The following RPH3A variants were observed in gnomAD, a reference collection of about 807,000 sequenced individuals.
The protein encoded by RPH3A is rabphilin 3A.
In RPH3A, 48 loss-of-function variants were observed where a neutral mutation model predicts 102.2. That is an observed-to-expected ratio of 0.47 (90% CI 0.37 to 0.60). The LOEUF (loss-of-function observed/expected upper bound fraction) is 0.60. Ranked by LOEUF, RPH3A falls within the 20% of genes least tolerant of loss-of-function variation. The pLI is 0.00. For missense variants in RPH3A, 781 were observed against 910.1 expected, an observed-to-expected ratio of 0.86 and a Z score of 1.83; for synonymous variants, 310 against 324.3, an observed-to-expected ratio of 0.96 and a Z score of 0.47.
At chr12:112,795,596 G>T (rs7972718) in intron 2 of RPH3A, among the ~76,000 whole-genome samples, 18,360 of 152,092 alleles carry the variant, frequency 0.12, 1,783 homozygotes, top group African/African-American at 0.27. Flanking sequence ...GCATTTCCTT[G>T]CTGTGTGACT....
At chr12:112,775,072 G>T (rs1438770615) in intron 1 of RPH3A, among the ~76,000 whole-genome samples, 6 of 152,084 alleles carry the variant, frequency 3.9e-5, no homozygotes, top group Non-Finnish European at 8.8e-5. Context: ...GGGTTAAGGG[G>T]AGGCAGAGTA....
At chr12:112,705,641 T>A (rs556706508) in intron 1 of RPH3A, among the ~76,000 whole-genome samples, 192 of 152,312 alleles carry the variant, frequency 1.3e-3, no homozygotes, top group African/African-American at 4.2e-3. Flanking sequence ...TTAATTTTTT[T>A]AATCGAAATT....
intron 2 of RPH3A, among the ~76,000 whole-genome samples, chr12:112,820,288 A>T (rs778267112): frequency 6.6e-6 from 1 of 152,234 alleles, no homozygotes; most frequent in Non-Finnish European, 1.5e-5. Flanking sequence ...TATTGATAAT[A>T]GTGACAATAA....
At chr12:112,703,027 G>A (rs1438214881) in intron 1 of RPH3A, among the ~76,000 whole-genome samples, 4 of 152,156 alleles carry the variant, frequency 2.6e-5, no homozygotes, top group African/African-American at 9.7e-5. Flanking sequence ...AGGAAGCAAG[G>A]ATGTGCCAGT....
At chr12:112,619,246 CTGTGTGTGTGTGTGTGTGTG>C (rs60894997) in intron 1 of RPH3A, among the ~76,000 whole-genome samples, 25 of 125,448 alleles carry the variant, frequency 2.0e-4, no homozygotes, top group South Asian at 1.5e-3. Flanking sequence ...TATGGTAATT[CTGTGTGTGTGTGTGTGTGTG>C]TGTGTGTGTG....
intron 1 of RPH3A, among the ~76,000 whole-genome samples, chr12:112,780,188 T>C (rs2136077651): frequency 6.6e-6 from 1 of 152,334 alleles, no homozygotes; most frequent in South Asian, 2.1e-4. Context: ...GGGGCTCATG[T>C]TGGCCTCATC....
At chr12:112,851,031 T>G (rs1285127079) in intron 5 of RPH3A, 1 of 152,232 alleles carries the variant, frequency 6.6e-6, no homozygotes, top group Non-Finnish European at 1.5e-5. Context: ...AGCCCCATGA[T>G]GCTGAATGTT....
chr12:112,789,479 A>T (rs545433953), upstream of RPH3A, among the ~76,000 whole-genome samples: 1 of 152,332 alleles, frequency 6.6e-6, no homozygotes, highest in East Asian at 1.9e-4. Context: ...TACGACACTG[A>T]GTTTGAATGC....
intron 5 of RPH3A, among the ~76,000 whole-genome samples, chr12:112,863,954 G>A (rs1398351286): frequency 6.6e-6 from 1 of 152,202 alleles, no homozygotes; most frequent in Non-Finnish European, 1.5e-5. Flanking sequence ...ACACAGCAGG[G>A]AACAGAACAG....
Position 112,896,874 on chromosome 12 carries a change from TC to T in RPH3A, c.*100del. 3 of 1,394,266 alleles carry T rather than the reference TC, an allele frequency of 2.2e-6. No individual in the cohort carries two copies. Among genetic ancestry groups the T allele is most frequent in the South Asian group, 1.3e-5 (1 of 77,984 alleles). The allele number at this position is 1,394,266 out of a possible 1,614,324, so 86.4% of individuals were successfully genotyped here. ...CTGATCTCTCTTCTCTATGCCTACC[TC>T]CCCCCATACCCTGCTGATCTCCCTG... On this transcript the variant is annotated 3_prime_UTR_variant, in exon 22 of 22. Coordinates refer to ENST00000389385, the MANE Select transcript of RPH3A (RefSeq NM_001143854.2).
At chr12:112,734,802 T>G (rs1443865833) in intron 1 of RPH3A, among the ~76,000 whole-genome samples, 1 of 152,190 alleles carries the variant, frequency 6.6e-6, no homozygotes, top group Non-Finnish European at 1.5e-5. Context: ...GGTGGGAGTG[T>G]CTCTTAGTAT....
chr12:112,862,640 G>C (rs2042538609), intron 5 of RPH3A, among the ~76,000 whole-genome samples: 1 of 151,790 alleles, frequency 6.6e-6, no homozygotes, highest in South Asian at 2.1e-4. Flanking sequence ...AGAGCGTGCT[G>C]CCTTCAGCTC....
intron 1 of RPH3A, among the ~76,000 whole-genome samples, chr12:112,725,297 AT>A (rs2040580346): frequency 6.6e-6 from 1 of 150,702 alleles, no homozygotes; most frequent in Non-Finnish European, 1.5e-5. Context: ...TAATGAATAA[AT>A]GCATCTTCTG....
At chr12:112,892,944 A>G (rs2043124802) in intron 19 of RPH3A, 1 of 152,246 alleles carries the variant, frequency 6.6e-6, no homozygotes, top group Non-Finnish European at 1.5e-5. Flanking sequence ...AACAAAGAAC[A>G]CACAGGTCAG....
intron 4 of RPH3A, chr12:112,841,827 G>A (rs1593069257): frequency 2.4e-6 from 1 of 424,498 alleles, no homozygotes; most frequent in East Asian, 7.2e-5. Flanking sequence ...GTTTCTGAAA[G>A]TTCATCTTCT....
At chr12:112,722,394 G>A (rs1379983534) in intron 1 of RPH3A, among the ~76,000 whole-genome samples, 1 of 152,148 alleles carries the variant, frequency 6.6e-6, no homozygotes, top group Admixed American at 6.5e-5. Context: ...ATAAGTAGGT[G>A]GTTTAATAAT....
At chr12:112,670,234 G>T (rs191647724) in intron 1 of RPH3A, among the ~76,000 whole-genome samples, 35 of 152,294 alleles carry the variant, frequency 2.3e-4, no homozygotes, top group Admixed American at 2.0e-3. Context: ...CCAGGCTGGA[G>T]TGCAGTGGTG....
At chr12:112,849,462 T>A (rs2042286530) in intron 5 of RPH3A, among the ~76,000 whole-genome samples, 1 of 152,084 alleles carries the variant, frequency 6.6e-6, no homozygotes, top group African/African-American at 2.4e-5. Context: ...TGTGTATCTT[T>A]ATACAACGAT....
At chr12:112,883,270 T>C (rs773981952) in intron 15 of RPH3A, 23 bp from the exon 16 acceptor site, 2 of 1,592,632 alleles carry the variant, frequency 1.3e-6, no homozygotes, top group Non-Finnish European at 1.7e-6. Context: ...TAGGTGTCTC[T>C]GTCCATCTCT....
Sources: allele counts gnomAD v4.1 joint callset (sites outside exome capture counted in the v4.1 genomes callset), GRCh38; gene constraint gnomAD v4.1.1; transcripts MANE v1.5; gene names NCBI Gene and HGNC (gene_info 2026-07-23, HGNC 2026-07-21).